FANCB: variants seen among roughly 807,000 people sequenced by gnomAD.
FANCB encodes the protein FA complementation group B.
Under a neutral mutation model 38.9 loss-of-function variants are expected in FANCB, and 5 were observed. The ratio of observed to expected loss-of-function variants is 0.13; its 90% CI spans 0.07 to 0.27. The LOEUF (loss-of-function observed/expected upper bound fraction) is 0.27. FANCB is among the 10% of genes least tolerant of loss of function. The pLI is 1.00. For synonymous variants in FANCB, 236 were observed against 215.4 expected (o/e 1.10, Z -0.84); for missense variants, 573 against 602.7 (o/e 0.95, Z 0.52).
At chrX:14,853,564 A>C (rs1397676777) in intron 5 of FANCB, among the ~76,000 whole-genome samples, 2 of 112,319 alleles carry the variant, frequency 1.8e-5, no homozygotes, top group Non-Finnish European at 3.8e-5. Flanking sequence ...CAAGGCATCC[A>C]CATAAGCAAA....
the FANCB span, among the ~76,000 whole-genome samples, chrX:14,810,820 A>G: frequency 9.0e-6 from 1 of 111,053 alleles, no homozygotes; most frequent in Non-Finnish European, 1.9e-5. Flanking sequence ...AGAGAACACC[A>G]CAAAGATACT....
chrX:14,844,165 G>A (rs1000153164), intron 9 of FANCB, among the ~76,000 whole-genome samples, 184 bp from the exon 10 acceptor site: 5 of 110,334 alleles, frequency 4.5e-5, no homozygotes, highest in Admixed American at 1.9e-4. Context: ...ATTCCATATC[G>A]AATCAGTTAA....
intron 3 of FANCB, 82 bp from the exon 4 acceptor site, chrX:14,859,416 T>C: frequency 4.3e-6 from 3 of 692,143 alleles, no homozygotes; most frequent in Non-Finnish European, 6.8e-6. Context: ...TTTTGTTTCA[T>C]GTAGTTGTCA....
chrX:14,753,026 C>T, the FANCB span, among the ~76,000 whole-genome samples: 2 of 103,509 alleles, frequency 1.9e-5, no homozygotes, highest in African/African-American at 7.4e-5. Context: ...CACACACACA[C>T]ACATTAGTTT....
At chrX:14,762,716 A>G in the FANCB span, among the ~76,000 whole-genome samples, 1 of 111,915 alleles carries the variant, frequency 8.9e-6, no homozygotes, top group Non-Finnish European at 1.9e-5. Flanking sequence ...ATTAAATGCA[A>G]GGTCCTTTAC....
At chrX:14,744,123 T>C in the FANCB span, among the ~76,000 whole-genome samples, 4 of 111,866 alleles carry the variant, frequency 3.6e-5, no homozygotes, top group African/African-American at 9.7e-5. Flanking sequence ...CTGGCCCTAG[T>C]GTAAAATACA....
At position 14,843,755 on chromosome X, in the gene FANCB, C is replaced by T. The variant is rs1064797358; in HGVS notation, c.2392G>A (p.Val798Ile). Residue 798 changes from valine (V) to isoleucine (I), a missense_variant, in exon 10 of 10, where the codon GTC becomes ATC. Physicochemically the swap from Val to Ile is conservative, Grantham distance 29 (BLOSUM62 3). Transcript: ENST00000650831. ...CTTCTGTCTGATAAAGCAGCCGCGA[C>T]GACACTACTCTTTCCTTTGCTCACT... ...CEVSKGKSSVVAAALSDRREN... is the reference protein window; with the variant it reads ...CEVSKGKSSVIAAALSDRREN... 4.1e-6 allele frequency: 5 copies of T among 1,209,232 alleles called. 1 individual carries two copies. The highest frequency in any genetic ancestry group is 3.5e-5 in the South Asian group (2 of 56,819).
chrX:14,752,656 A>G, the FANCB span, among the ~76,000 whole-genome samples: 1 of 111,740 alleles, frequency 8.9e-6, no homozygotes, highest in Admixed American at 9.5e-5. Context: ...TCCCATTTCA[A>G]TCATAAGTCC....
At chrX:14,790,592 TCATAA>T in the FANCB span, among the ~76,000 whole-genome samples, 7 of 112,168 alleles carry the variant, frequency 6.2e-5, no homozygotes, top group African/African-American at 2.3e-4. Context: ...ATATTTCATA[TCATAA>T]CTTCAGGTAC....
At chrX:14,844,297 T>C (rs1451517215) in intron 9 of FANCB, among the ~76,000 whole-genome samples, 2 of 110,959 alleles carry the variant, frequency 1.8e-5, no homozygotes, top group Non-Finnish European at 3.8e-5. Flanking sequence ...TACTAGGCAC[T>C]AAAAAAAGCC....
chrX:14,798,120 T>C, the FANCB span, among the ~76,000 whole-genome samples: 28 of 109,646 alleles, frequency 2.6e-4, no homozygotes, highest in South Asian at 0.01. Flanking sequence ...TGCTTTTCTT[T>C]CCTGTTTTGT....
At chrX:14,763,595 T>C in the FANCB span, among the ~76,000 whole-genome samples, 1 of 111,954 alleles carries the variant, frequency 8.9e-6, no homozygotes, top group Non-Finnish European at 1.9e-5. Flanking sequence ...CATGGGTGTT[T>C]GCTTTGTAAA....
the FANCB span, among the ~76,000 whole-genome samples, chrX:14,700,771 A>AT: frequency 4.4e-4 from 48 of 110,159 alleles, no homozygotes; most frequent in African/African-American, 1.5e-3. Context: ...TAGGCCATGG[A>AT]TTTTTTTGTT....
At chrX:14,806,603 T>C in the FANCB span, among the ~76,000 whole-genome samples, 1 of 111,366 alleles carries the variant, frequency 9.0e-6, no homozygotes, top group Non-Finnish European at 1.9e-5. Flanking sequence ...AGCCAGGGTG[T>C]TAGATTTTCT....
At chrX:14,731,971 T>C in the FANCB span, among the ~76,000 whole-genome samples, 1 of 110,693 alleles carries the variant, frequency 9.0e-6, no homozygotes, top group Non-Finnish European at 1.9e-5. Flanking sequence ...GCCATGGTGG[T>C]TTTCTGCACC....
At chrX:14,786,281 G>C in the FANCB span, among the ~76,000 whole-genome samples, 1 of 111,371 alleles carries the variant, frequency 9.0e-6, no homozygotes, top group African/African-American at 3.3e-5. Context: ...GGGGGAGGAG[G>C]GGAGATAGGC....
At chrX:14,851,172 C>T (rs5934193) in intron 6 of FANCB, among the ~76,000 whole-genome samples, 63 of 111,719 alleles carry the variant, frequency 5.6e-4, no homozygotes, top group Admixed American at 1.5e-3. Flanking sequence ...ATATAACATT[C>T]GAAAGAGTAG....
Position 14,845,110 on chromosome X carries a change from C to G in FANCB, c.1673G>C (p.Ser558Thr). The G allele has an allele frequency of 8.3e-7, 1 of 1,211,314 alleles. No individual in the cohort carries two copies. The change falls in exon 8 of 10, where the codon AGC (serine) becomes ACC (threonine). Residue 558 changes from serine to threonine, a missense_variant. Ser to Thr is a moderately conservative substitution (Grantham distance 58). Coordinates refer to ENST00000650831, the MANE Select transcript of FANCB (RefSeq NM_001018113.3). ...EAKRVTLTPDSKKEESFVCEH... is the reference protein window; with the variant it reads ...EAKRVTLTPDTKKEESFVCEH... ...ACAAACAAAGCTTTCCTCTTTCTTG[C>G]TATCAGGGGTCAACGTGACCCTTTT...
At chrX:14,833,209 T>C (rs2092331733), downstream of FANCB, among the ~76,000 whole-genome samples, 1 of 112,130 alleles carries the variant, frequency 8.9e-6, no homozygotes. Flanking sequence ...AAAATTTCTA[T>C]CAATGAAAGC....
Sources: gnomAD v4.1 joint callset for allele counts (sites outside exome capture counted in the v4.1 genomes callset) on GRCh38, gnomAD v4.1.1 for gene constraint, MANE v1.5 for transcripts, NCBI Gene and HGNC (gene_info 2026-07-23, HGNC 2026-07-21) for gene names.